The following LAMB4 variants were observed in gnomAD, a reference collection of about 807,000 sequenced individuals.
LAMB4 encodes the protein laminin subunit beta 4.
Under a neutral mutation model 199.2 loss-of-function variants are expected in LAMB4, and 196 were observed. The observed-to-expected ratio is 0.98, with a 90% CI of 0.88 to 1.11. The LOEUF (loss-of-function observed/expected upper bound fraction) is 1.11, where lower values mean the gene tolerates loss of function less well. Ranked by LOEUF, LAMB4 falls within the 50% of genes least tolerant of loss-of-function variation. LAMB4 has a pLI of 0.00. For missense variants in LAMB4, 2,080 were observed against 2,171.2 expected, an observed-to-expected ratio of 0.96 and a Z score of 0.83; for synonymous variants, 744 against 770.6, an observed-to-expected ratio of 0.97 and a Z score of 0.57.
At chr7:108,043,509 C>A (rs1184679363) in intron 29 of LAMB4, among the ~76,000 whole-genome samples, 2 of 131,678 alleles carry the variant, frequency 1.5e-5, no homozygotes, top group Non-Finnish European at 3.3e-5. Context: ...TTAGGCTTGT[C>A]ATTTCCAATT....
At chr7:108,111,344 G>C (rs1179763049) in intron 4 of LAMB4, among the ~76,000 whole-genome samples, 2 of 152,180 alleles carry the variant, frequency 1.3e-5, no homozygotes, top group Admixed American at 6.5e-5. Flanking sequence ...TCAATTCAGA[G>C]ATTTTACTTT....
At chr7:108,106,448 G>T in intron 7 of LAMB4, 61 bp downstream of exon 7, 2 of 989,324 alleles carry the variant, frequency 2.0e-6, no homozygotes, top group South Asian at 1.4e-5. Context: ...GCAATTACAA[G>T]GAATATGCCA....
At chr7:108,113,783 A>C (rs2038313848) in intron 3 of LAMB4, among the ~76,000 whole-genome samples, 1 of 152,214 alleles carries the variant, frequency 6.6e-6, no homozygotes, top group African/African-American at 2.4e-5. Flanking sequence ...TTAATAGGTC[A>C]ATGTTGACTG....
At chr7:108,082,423 A>G (rs1027732140) in intron 14 of LAMB4, among the ~76,000 whole-genome samples, 28 of 151,830 alleles carry the variant, frequency 1.8e-4, no homozygotes, top group African/African-American at 6.5e-4. Context: ...ATAACTGTCT[A>G]TTGGGGAAGG....
At chr7:108,085,130 C>T (rs532130881) in intron 14 of LAMB4, among the ~76,000 whole-genome samples, 22 of 152,266 alleles carry the variant, frequency 1.4e-4, no homozygotes, top group South Asian at 1.0e-3. Context: ...GACAGGACAA[C>T]GCACAGTTTC....
chr7:108,127,045 C>A (rs2038814226), intron 1 of LAMB4, among the ~76,000 whole-genome samples: 1 of 152,086 alleles, frequency 6.6e-6, no homozygotes, highest in Non-Finnish European at 1.5e-5. Context: ...GGTTGAGAAC[C>A]ACTGATGGCT....
intron 10 of LAMB4, among the ~76,000 whole-genome samples, chr7:108,098,985 A>G (rs186493099): frequency 6.6e-6 from 1 of 152,326 alleles, no homozygotes; most frequent in African/African-American, 2.4e-5. Context: ...TTAATATTTT[A>G]TGTTATGTGA....
At chr7:108,028,217 G>T (rs1040757632) in intron 33 of LAMB4, among the ~76,000 whole-genome samples, 4 of 152,262 alleles carry the variant, frequency 2.6e-5, no homozygotes, top group African/African-American at 9.6e-5. Flanking sequence ...AGATTATATT[G>T]ATTCTTTTGG....
intron 31 of LAMB4, among the ~76,000 whole-genome samples, chr7:108,033,165 A>G (rs1423898506): frequency 6.6e-6 from 1 of 152,222 alleles, no homozygotes; most frequent in Non-Finnish European, 1.5e-5. Flanking sequence ...GTAAAGGGCC[A>G]GCTAGTAAAT....
At chr7:108,109,354 G>A in intron 4 of LAMB4, 110 bp from the exon 5 acceptor site, 1 of 782,676 alleles carries the variant, frequency 1.3e-6, no homozygotes, top group Non-Finnish European at 2.2e-6. Flanking sequence ...GATGCCACAA[G>A]GCTGACGATC....
Position 108,024,001 on chromosome 7 carries a change from C to G in LAMB4, c.*38G>C, listed in dbSNP as rs1616041. The G allele has an allele frequency of 6.4e-7, 1 of 1,559,160 alleles. No homozygotes were observed. The highest frequency in any genetic ancestry group is 1.4e-5 in the African/African-American group (1 of 71,790). On this transcript the variant is annotated 3_prime_UTR_variant, in exon 34 of 34. Coordinates refer to ENST00000388781, the MANE Select transcript of LAMB4 (RefSeq NM_007356.3). The stretch of plus-strand genomic sequence containing the variant: ...CCCCAGGGGCTTGTACATCAGAAAC[C>G]AGAAACAAAGGCACAAGCTTTTGCT...
Position 108,123,209 on chromosome 7 carries a change from AAAGGTTAAAGTC to A in LAMB4, c.-33-24_-33-13del. ...TAAATTCAATTCTACTGGGTTAAAA[AAAGGTTAAAGTC>A]AATCACTGATAGAAGAAATAATTGC... is the stretch of plus-strand genomic sequence containing the variant. On this transcript the variant is annotated splice_polypyrimidine_tract_variant and intron_variant, in intron 1 of 33. Coordinates refer to ENST00000388781, the MANE Select transcript of LAMB4 (RefSeq NM_007356.3). 6.6e-7 allele frequency: 1 copy of A among 1,520,454 alleles called. No homozygotes were observed. The highest frequency in any genetic ancestry group is 9.0e-7 in the Non-Finnish European group (1 of 1,106,718). 94.2% of individuals were successfully genotyped at this position (1,520,454 alleles called of 1,614,324 possible).
chr7:108,121,806 C>T (rs2038610494), intron 2 of LAMB4, among the ~76,000 whole-genome samples: 1 of 151,254 alleles, frequency 6.6e-6, no homozygotes, highest in Non-Finnish European at 1.5e-5. Context: ...AGTGAAGTTC[C>T]TAAAACCTAT....
At chr7:108,041,850 G>A (rs572505425) in intron 29 of LAMB4, among the ~76,000 whole-genome samples, 3 of 152,042 alleles carry the variant, frequency 2.0e-5, no homozygotes, top group African/African-American at 7.2e-5. Flanking sequence ...CCTGTGACTC[G>A]AGTTTACAAA....
At chr7:108,067,947 T>C (rs1046117462) in intron 19 of LAMB4, 69 bp downstream of exon 19, 33 of 1,596,266 alleles carry the variant, frequency 2.1e-5, no homozygotes, top group Non-Finnish European at 2.8e-5. Flanking sequence ...CCCCCCTCCA[T>C]GACTTTGCCT....
chr7:108,067,564 G>C (rs1584673664), intron 19 of LAMB4, among the ~76,000 whole-genome samples: 1 of 152,214 alleles, frequency 6.6e-6, no homozygotes, highest in South Asian at 2.1e-4. Flanking sequence ...ATCAGAAAGG[G>C]TGATATCCTC....
chr7:108,073,068 C>T (rs991575835), intron 17 of LAMB4, among the ~76,000 whole-genome samples: 16 of 152,188 alleles, frequency 1.1e-4, no homozygotes, highest in Admixed American at 2.0e-4. Flanking sequence ...TACAGTGGCA[C>T]GATCTCAGCT....
At chr7:108,037,701 T>C in intron 29 of LAMB4, 106 bp from the exon 30 acceptor site, 5 of 771,240 alleles carry the variant, frequency 6.5e-6, no homozygotes, top group Non-Finnish European at 1.1e-5. Context: ...TGCACTTGAT[T>C]ATGTGCCCCT....
chr7:108,106,434 A>T, intron 7 of LAMB4, 75 bp downstream of exon 7: 1 of 886,816 alleles, frequency 1.1e-6, no homozygotes, highest in Non-Finnish European at 1.8e-6. Flanking sequence ...AAAAAAAAAG[A>T]AAAGCAATTA....
Sources: gnomAD v4.1 joint callset for allele counts (sites outside exome capture counted in the v4.1 genomes callset) on GRCh38, gnomAD v4.1.1 for gene constraint, MANE v1.5 for transcripts, NCBI Gene and HGNC (gene_info 2026-07-23, HGNC 2026-07-21) for gene names.